Variants in CLASRP observed in about 807,000 individuals in gnomAD.
CLASRP encodes CLK4-associating serine/arginine rich protein.
In CLASRP, 52 loss-of-function variants were observed where a neutral mutation model predicts 99.9. The ratio of observed to expected loss-of-function variants is 0.52; its 90% CI spans 0.42 to 0.66. The LOEUF is 0.66. Ranked by LOEUF, CLASRP falls within the 30% of genes least tolerant of loss-of-function variation. CLASRP has a pLI of 0.00. For synonymous variants in CLASRP, 379 were observed against 373.0 expected, an observed-to-expected ratio of 1.02 and a Z score of -0.18; for missense variants, 848 against 999.2, an observed-to-expected ratio of 0.85 and a Z score of 2.04.
rs761546635 is a variant in CLASRP at position 45,069,072 on chromosome 19, C to T, written c.1775C>T (p.Ala592Val). The T allele has an allele frequency of 3.7e-6, 6 of 1,613,410 alleles. No individual in the cohort carries two copies. Among genetic ancestry groups the T allele is most frequent in the Non-Finnish European group, 5.1e-6 (6 of 1,179,870 alleles). Residue 592 changes from alanine (A) to valine (V), a missense_variant, in exon 17 of 21, where the codon GCG becomes GTG. Ala to Val is a moderately conservative substitution (Grantham distance 64). Coordinates refer to ENST00000221455, the MANE Select transcript of CLASRP (RefSeq NM_007056.3). The stretch of plus-strand genomic sequence containing the variant: ...CTGTTCTTTCTCTCTACAGTCAAGG[C>T]GGATAAGAAGGCGGCACAAGAAAAG... ...MQKALNRQFK[A>V]DKKAAQEKMI...
Position 45,067,745 on chromosome 19 carries a change from G to A in CLASRP, c.1667+151G>A, listed in dbSNP as rs1165397458. ...GGCCTGGGAGGGTGGATTTCAGGGG[G>A]ACACAGCCCTGGCCTGGGGGGTCTG... On this transcript the variant is annotated intron_variant, in intron 14 of 20. Transcript: ENST00000221455. The surrounding 1 kb of genome is among the most constrained non-coding windows in gnomAD (Gnocchi z 4.9). The A allele has an allele frequency of 5.2e-6, 4 of 763,976 alleles. No homozygotes were observed. Among genetic ancestry groups the A allele is most frequent in the South Asian group, 1.8e-5 (1 of 54,656 alleles). 47.3% of individuals were successfully genotyped at this position (763,976 alleles called of 1,614,324 possible).
Position 45,053,219 on chromosome 19 carries a change from C to G in CLASRP, c.379+42C>G, listed in dbSNP as rs746792550. On this transcript the variant is annotated intron_variant, in intron 5 of 20. Coordinates refer to ENST00000221455, the MANE Select transcript of CLASRP (RefSeq NM_007056.3). ...GGGACGTGGGGTGTGGGGTTTGAGC[C>G]TGGAGCCTGGAAGACCTAGATAGGT... is the stretch of plus-strand genomic sequence containing the variant. 6.3e-6 allele frequency: 10 copies of G among 1,597,340 alleles called. No homozygotes were observed. In the East Asian group the frequency reaches 2.0e-4, roughly 32 times the overall value.
chr19:45,068,494 T>C lies in CLASRP; in HGVS notation c.1768+14T>C, dbSNP rs2122615611. On this transcript the variant is annotated intron_variant, in intron 16 of 20. Transcript: ENST00000221455. ...TGAACAGGCAGTGTATGTTCTGCCCTGTCCCTCCAGGGTTTCACAGCTCTT... is the reference window on the plus strand; with the variant it reads ...TGAACAGGCAGTGTATGTTCTGCCCCGTCCCTCCAGGGTTTCACAGCTCTT... 6.3e-7 allele frequency: 1 copy of C among 1,597,500 alleles called. No homozygotes were observed. Among genetic ancestry groups the C allele is most frequent in the Non-Finnish European group, 8.6e-7 (1 of 1,165,182 alleles).
Position 45,067,228 on chromosome 19 carries a change from G to A in CLASRP, c.1410-109G>A, listed in dbSNP as rs1967106241. On this transcript the variant is annotated intron_variant, in intron 13 of 20. Coordinates refer to ENST00000221455, the MANE Select transcript of CLASRP (RefSeq NM_007056.3). The surrounding 1 kb of genome is among the most constrained non-coding windows in gnomAD (Gnocchi z 4.9). ...GTAGCAGGAGAGGAGAGTCGAGCCT[G>A]TCACCCTGGGCCTTGCAGGAAGGAG... is the stretch of plus-strand genomic sequence containing the variant. The A allele has an allele frequency of 7.8e-7, 1 of 1,276,674 alleles. No homozygotes were observed. The highest frequency in any genetic ancestry group is 2.9e-5 in the Admixed American group (1 of 34,120). 79.1% of individuals were successfully genotyped at this position (1,276,674 alleles called of 1,614,324 possible). A position where few individuals can be genotyped will look rare whatever the true frequency, so the allele number is the denominator to read the frequency against.
chr19:45,070,782 C>G, intron 20 of CLASRP, 21 bp from the exon 21 acceptor site: 2 of 1,607,856 alleles, frequency 1.2e-6, no homozygotes, highest in East Asian at 2.2e-5. Context: ...ATCCTCACGG[C>G]CCCTCCCTTT....
intron 11 of CLASRP, among the ~76,000 whole-genome samples, chr19:45,063,577 G>C (rs904001669): frequency 2.7e-5 from 4 of 150,912 alleles, no homozygotes; most frequent in African/African-American, 9.8e-5. Flanking sequence ...CTCCTGAGTA[G>C]CTGGAATTAC....
intron 11 of CLASRP, 76 bp downstream of exon 11, chr19:45,062,271 G>A (rs1966957735): frequency 1.1e-6 from 1 of 888,842 alleles, no homozygotes; most frequent in South Asian, 1.3e-5. Context: ...AGGAGGGGAT[G>A]GGAGGTTCAC....
In CLASRP at chr19:45,060,473, G is replaced by T. The variant is rs1444767053; in HGVS notation, c.789+6G>T. 6.2e-7 allele frequency: 1 copy of T among 1,614,172 alleles called. No individual in the cohort carries two copies. The highest frequency in any genetic ancestry group is 1.1e-5 in the South Asian group (1 of 91,084). On this transcript the variant is annotated splice_donor_region_variant and intron_variant, in intron 9 of 20. Coordinates refer to ENST00000221455, the MANE Select transcript of CLASRP (RefSeq NM_007056.3). This position sits in a 1 kb window ranked among gnomAD's most constrained non-coding sequence, Gnocchi z 4.6. ...AGGAGAAGGCCATGTACTCGGTGAG[G>T]TCTGGGCTGGAGTGGAAGGGGACAG... is the stretch of plus-strand genomic sequence containing the variant.
intron 12 of CLASRP, 38 bp from the exon 13 acceptor site, chr19:45,064,305 A>G: frequency 1.3e-6 from 2 of 1,503,904 alleles, no homozygotes; most frequent in Non-Finnish European, 1.8e-6. Flanking sequence ...GCCGCGGCTC[A>G]GGCCTGCGCT....
At position 45,052,882 on chromosome 19, in the gene CLASRP, C is replaced by A; in HGVS notation, c.289C>A (p.Leu97Ile). 1 of 1,607,736 alleles carries A rather than the reference C, an allele frequency of 6.2e-7. No individual in the cohort carries two copies. Among genetic ancestry groups the A allele is most frequent in the Non-Finnish European group, 8.5e-7 (1 of 1,177,616 alleles). Residue 97 changes from leucine to isoleucine, a missense_variant, in exon 4 of 21, where the codon CTC becomes ATC. Around this residue, in one of 8 missense-constraint regions of CLASRP, gnomAD observed 54 missense variants for 38.7 expected, o/e 1.39. Coordinates refer to ENST00000221455, the MANE Select transcript of CLASRP (RefSeq NM_007056.3). Reference sequence around the variant, plus strand: ...CATCCCCGACTACACCCCCCCTCTGCTCACCACCATGTAAGCCACCTCCCA... The same window carrying A: ...CATCCCCGACTACACCCCCCCTCTGATCACCACCATGTAAGCCACCTCCCA... ...DHIPDYTPPL[L>I]TTISPEQESD...
intron 11 of CLASRP, among the ~76,000 whole-genome samples, chr19:45,062,810 A>C (rs1966971478): frequency 6.6e-6 from 1 of 152,208 alleles, no homozygotes; most frequent in African/African-American, 2.4e-5. Flanking sequence ...CTTTAATCTC[A>C]ATTTCCAGAA....
At chr19:45,066,021 G>T (rs1967078726) in intron 13 of CLASRP, among the ~76,000 whole-genome samples, 1 of 152,220 alleles carries the variant, frequency 6.6e-6, no homozygotes, top group African/African-American at 2.4e-5. Flanking sequence ...GTTCCCTCCA[G>T]TCGGGGCGTT....
chr19:45,067,311 C>G lies in CLASRP; in HGVS notation c.1410-26C>G. On this transcript the variant is annotated intron_variant, in intron 13 of 20. Coordinates refer to ENST00000221455, the MANE Select transcript of CLASRP (RefSeq NM_007056.3). This position sits in a 1 kb window ranked among gnomAD's most constrained non-coding sequence, Gnocchi z 4.9. ...TTGGGGTCCCTGGAGCCTCACAGTC[C>G]TCCTCCCGCCCTGCTGCATCCCCAG... The G allele has an allele frequency of 6.8e-7, 1 of 1,477,660 alleles. No homozygotes were observed. 91.5% of individuals were successfully genotyped at this position (1,477,660 alleles called of 1,614,324 possible).
At chr19:45,062,770 G>T (rs531748064) in intron 11 of CLASRP, among the ~76,000 whole-genome samples, 1 of 152,236 alleles carries the variant, frequency 6.6e-6, no homozygotes, top group East Asian at 1.9e-4. Flanking sequence ...ACCAAATATG[G>T]CAAAACAGTG....
intron 2 of CLASRP, among the ~76,000 whole-genome samples, chr19:45,050,302 A>G (rs2122549292): frequency 6.6e-6 from 1 of 152,312 alleles, no homozygotes; most frequent in South Asian, 2.1e-4. Context: ...AAGATGACCA[A>G]CATCATTAGC....
chr19:45,066,740 T>C (rs1225112927), intron 13 of CLASRP, among the ~76,000 whole-genome samples: 2 of 151,050 alleles, frequency 1.3e-5, no homozygotes, highest in African/African-American at 4.9e-5. Flanking sequence ...GAGAAAGGCT[T>C]GGGGGACAGG....
At position 45,067,683 on chromosome 19, in the gene CLASRP, C is replaced by T; in HGVS notation, c.1667+89C>T. On this transcript the variant is annotated intron_variant, in intron 14 of 20. Transcript: ENST00000221455. This position sits in a 1 kb window ranked among gnomAD's most constrained non-coding sequence, Gnocchi z 4.9. The stretch of plus-strand genomic sequence containing the variant: ...GTTTTCTTTTTGAGGGGAACTTAGC[C>T]CTACCCTGGGAGGTCTGGGGGGTGG... 1 of 1,279,040 alleles carries T rather than the reference C, an allele frequency of 7.8e-7. No homozygotes were observed. The highest frequency in any genetic ancestry group is 1.1e-6 in the Non-Finnish European group (1 of 932,456). 79.2% of individuals were successfully genotyped at this position (1,279,040 alleles called of 1,614,324 possible). A position where few individuals can be genotyped will look rare whatever the true frequency, so the allele number is the denominator to read the frequency against.
rs903835656 is a variant in CLASRP, at chr19:45,052,108, G to A, written c.137G>A (p.Arg46Gln). ...DPAQFLQVHG[R>Q]ACKVHLDSAV... Reference sequence around the variant, plus strand: ...GCCCAGTTCCTGCAGGTACATGGCCGAGCTTGCAAGGTGCACCTGGATTCT... The same window carrying A: ...GCCCAGTTCCTGCAGGTACATGGCCAAGCTTGCAAGGTGCACCTGGATTCT... Residue 46 changes from arginine (R) to glutamine (Q), a missense_variant, in exon 3 of 21, where the codon CGA becomes CAA. By Grantham distance (43) the Arg-to-Gln change is conservative (BLOSUM62 1). This residue lies in a region of CLASRP where 46 missense variants were observed against 96.8 expected (regional missense o/e 0.48). Transcript: ENST00000221455. The A allele has an allele frequency of 7.4e-6, 12 of 1,613,932 alleles. No homozygotes were observed. Among genetic ancestry groups the A allele is most frequent in the South Asian group, 2.2e-5 (2 of 91,092 alleles).
chr19:45,053,687 C>G (rs1972069827), intron 5 of CLASRP, among the ~76,000 whole-genome samples: 3 of 152,122 alleles, frequency 2.0e-5, no homozygotes, highest in African/African-American at 7.2e-5. Context: ...GCCATATTGG[C>G]CAGGCTGGTC....
Sources: allele counts gnomAD v4.1 joint callset (sites outside exome capture counted in the v4.1 genomes callset), GRCh38; gene constraint gnomAD v4.1.1; regional missense constraint gnomAD v4.1.1; non-coding constraint Gnocchi (gnomAD v3.1); transcripts MANE v1.5; gene names NCBI Gene and HGNC (gene_info 2026-07-23, HGNC 2026-07-21).